SPON1: variants seen among roughly 807,000 people sequenced by gnomAD.
SPON1 encodes spondin 1, also known as spondin-1.
A neutral mutation model predicts 111.7 loss-of-function variants in SPON1; 52 were observed. The observed-to-expected ratio is 0.47, with a 90% confidence interval of 0.37 to 0.59. The LOEUF is 0.59. SPON1 is among the 20% of genes least tolerant of loss of function. The probability of loss-of-function intolerance (pLI) is 0.00; values close to 1 mark genes in which losing one functional copy is unlikely to be tolerated. For missense variants in SPON1, 957 were observed against 1,068.5 expected (o/e 0.90, Z 1.46); for synonymous variants, 410 against 395.8 (o/e 1.04, Z -0.43).
intron 3 of SPON1, among the ~76,000 whole-genome samples, chr11:14,052,828 A>C (rs1848717884): frequency 6.6e-6 from 1 of 152,206 alleles, no homozygotes; most frequent in Non-Finnish European, 1.5e-5. Flanking sequence ...AAAGAATTAA[A>C]TAGGAAGTAC....
chr11:14,226,005 T>A (rs1848735245), intron 6 of SPON1, among the ~76,000 whole-genome samples: 1 of 152,238 alleles, frequency 6.6e-6, no homozygotes, highest in South Asian at 2.1e-4. Context: ...TCAATTTGGA[T>A]TTTTAAAAAT....
chr11:14,234,253 G>A (rs1442772992), intron 6 of SPON1, among the ~76,000 whole-genome samples: 1 of 152,184 alleles, frequency 6.6e-6, no homozygotes, highest in African/African-American at 2.4e-5. Context: ...TTTGGATTTG[G>A]CATCACCTAC....
At position 14,171,279 on chromosome 11, in the gene SPON1, C is replaced by T. The variant is rs1433731820; in HGVS notation, c.825+35711C>T. ...TCTTCTAGATTTTCTAGTTTATTTG[C>T]GTAGAGGTGTTTATAGTATTCTCTG... On this transcript the variant is annotated intron_variant, in intron 6 of 15. Transcript: ENST00000576479. Among the ~76,000 whole-genome samples the T allele has an allele frequency of 4.5e-4, 68 of 152,228 alleles. No homozygotes were observed. The East Asian group carries it at 7.7e-3, about 17-fold the overall frequency.
At chr11:14,215,467 T>C (rs781855306) in intron 6 of SPON1, among the ~76,000 whole-genome samples, 3 of 152,196 alleles carry the variant, frequency 2.0e-5, no homozygotes, top group Non-Finnish European at 4.4e-5. Context: ...CTGAAGTGTC[T>C]GCATGACTCT....
chr11:14,165,677 C>A (rs560475448), intron 6 of SPON1, among the ~76,000 whole-genome samples: 5 of 152,272 alleles, frequency 3.3e-5, no homozygotes, highest in African/African-American at 1.2e-4. Flanking sequence ...GCAGAAAAAA[C>A]CTCAAGAACA....
chr11:14,178,499 C>T (rs1401781397), intron 6 of SPON1, among the ~76,000 whole-genome samples: 4 of 151,838 alleles, frequency 2.6e-5, no homozygotes, highest in Non-Finnish European at 4.4e-5. Flanking sequence ...CCAATCCCTA[C>T]CCTCACTCGC....
At chr11:14,098,081 C>T (rs1258079789) in intron 5 of SPON1, among the ~76,000 whole-genome samples, 7 of 152,186 alleles carry the variant, frequency 4.6e-5, no homozygotes, top group African/African-American at 1.7e-4. Flanking sequence ...CTGCAAGCTC[C>T]GCCTCCCGGG....
At chr11:14,039,189 G>A (rs1848615350) in intron 2 of SPON1, among the ~76,000 whole-genome samples, 1 of 152,146 alleles carries the variant, frequency 6.6e-6, no homozygotes, top group South Asian at 2.1e-4. Context: ...AAGAACAAGG[G>A]ATGAATAAGA....
chr11:14,085,947 C>A (rs1463728839), intron 5 of SPON1, among the ~76,000 whole-genome samples: 1 of 152,014 alleles, frequency 6.6e-6, no homozygotes, highest in South Asian at 2.1e-4. Flanking sequence ...TGGCTCTCTG[C>A]TTGCCTATTA....
At chr11:14,104,673 T>G (rs1296174699) in intron 5 of SPON1, among the ~76,000 whole-genome samples, 1 of 152,152 alleles carries the variant, frequency 6.6e-6, no homozygotes, top group Non-Finnish European at 1.5e-5. Context: ...ATTGTTTTTG[T>G]TTACTTATCT....
chr11:14,070,203 G>A (rs1306408091), intron 3 of SPON1, among the ~76,000 whole-genome samples: 1 of 152,138 alleles, frequency 6.6e-6, no homozygotes, highest in African/African-American at 2.4e-5. Context: ...AATATTGCTG[G>A]TTATAAACTG....
Position 14,243,343 on chromosome 11 carries a change from C to G in SPON1, c.837C>G (p.Val279=), listed in dbSNP as rs1848949824. 6.3e-7 allele frequency: 1 copy of G among 1,583,416 alleles called. No homozygotes were observed. Among genetic ancestry groups the G allele is most frequent in the Admixed American group, 1.8e-5 (1 of 55,262 alleles). The change falls in exon 7 of 16, where the codon GTC becomes GTG. Residue 279 remains valine, a synonymous_variant. Coordinates refer to ENST00000576479, the MANE Select transcript of SPON1 (RefSeq NM_006108.4). ...EEEIRQQSDE[V]LTVIKAKAQW... is the part of the protein sequence containing the mutation. ...GTCCTTTTTTGCAGAGTGATGAGGT[C>G]CTCACCGTCATCAAAGCCAAAGCCC...
chr11:13,988,638 G>A (rs1371534175), intron 2 of SPON1, among the ~76,000 whole-genome samples: 1 of 152,164 alleles, frequency 6.6e-6, no homozygotes, highest in Non-Finnish European at 1.5e-5. Context: ...TTTTCAAAGG[G>A]AATGCTTCCA....
In SPON1 at chr11:14,153,101, C is replaced by T. The variant is rs117013187; in HGVS notation, c.825+17533C>T. The stretch of plus-strand genomic sequence containing the variant: ...GAACTTTATTATTTTGACCTCCATT[C>T]GCATGTTAGTTTTACTTCTTCTTCT... On this transcript the variant is annotated intron_variant, in intron 6 of 15. Coordinates refer to ENST00000576479, the MANE Select transcript of SPON1 (RefSeq NM_006108.4). Among the ~76,000 whole-genome samples the T allele has an allele frequency of 5.0e-3, 765 of 152,278 alleles. 25 individuals carry two copies. The highest frequency in any genetic ancestry group is 8.4e-4 in the Non-Finnish European group (57 of 68,016).
At chr11:13,965,014 C>T (rs115593993) in intron 1 of SPON1, among the ~76,000 whole-genome samples, 1 of 151,704 alleles carries the variant, frequency 6.6e-6, no homozygotes, top group African/African-American at 2.4e-5. Context: ...TCCACCCTCT[C>T]TTGGTGGTAG....
At chr11:14,025,742 C>T (rs1848513196) in intron 2 of SPON1, among the ~76,000 whole-genome samples, 1 of 152,084 alleles carries the variant, frequency 6.6e-6, no homozygotes, top group African/African-American at 2.4e-5. Context: ...GGAAGTGACT[C>T]ATCAGGTGAG....
chr11:14,262,100 GATAAACC>G (rs1202455572), intron 14 of SPON1, among the ~76,000 whole-genome samples: 1 of 152,144 alleles, frequency 6.6e-6, no homozygotes, highest in African/African-American at 2.4e-5. Flanking sequence ...ACTGGATCTC[GATAAACC>G]ATAAAGCACC....
At chr11:14,262,691 T>G in intron 14 of SPON1, 21 bp from the exon 15 acceptor site, 1 of 1,613,768 alleles carries the variant, frequency 6.2e-7, no homozygotes, top group Non-Finnish European at 8.5e-7. Flanking sequence ...GATACACTCA[T>G]GCCCATCTGT....
intron 2 of SPON1, among the ~76,000 whole-genome samples, chr11:13,985,358 A>T (rs1848174236): frequency 1.3e-5 from 2 of 152,248 alleles, no homozygotes; most frequent in South Asian, 4.1e-4. Context: ...TGTGCCAGAT[A>T]CTGTTCTGAG....
Sources: allele counts gnomAD v4.1 joint callset (sites outside exome capture counted in the v4.1 genomes callset), GRCh38; gene constraint gnomAD v4.1.1; transcripts MANE v1.5; gene names NCBI Gene and HGNC (gene_info 2026-07-23, HGNC 2026-07-21).